Variants in TOMM34 observed in about 807,000 individuals in gnomAD.
TOMM34 encodes translocase of outer mitochondrial membrane 34.
TOMM34 carries 24 observed loss-of-function variants against 37.4 expected under a neutral mutation model. The observed-to-expected ratio is 0.64, with a 90% CI of 0.46 to 0.90. The LOEUF is 0.90. TOMM34 is among the 40% of genes least tolerant of loss of function. The pLI, the probability that TOMM34 is intolerant of heterozygous loss-of-function variation, is 0.00. For synonymous variants in TOMM34, 154 were observed against 148.9 expected (o/e 1.03, Z -0.25); for missense variants, 304 against 375.6 (o/e 0.81, Z 1.58).
chr20:44,943,593 C>T lies in TOMM34; in HGVS notation c.699-14G>A. 6.2e-7 allele frequency: 1 copy of T among 1,613,988 alleles called. No individual in the cohort carries two copies. Among genetic ancestry groups the T allele is most frequent in the Non-Finnish European group, 8.5e-7 (1 of 1,180,010 alleles). Reference sequence around the variant, plus strand: ...TAGCAGAGTGCTCTGAAGGGAAAGACCATTTCAGAGGTTTCAGTCACGTCT... The same window carrying T: ...TAGCAGAGTGCTCTGAAGGGAAAGATCATTTCAGAGGTTTCAGTCACGTCT... On this transcript the variant is annotated splice_polypyrimidine_tract_variant and intron_variant, in intron 5 of 6. Coordinates refer to ENST00000372813, the MANE Select transcript of TOMM34 (RefSeq NM_006809.5).
At chr20:44,952,078 G>A (rs2067031638) in intron 3 of TOMM34, 76 bp from the exon 4 acceptor site, 2 of 1,505,678 alleles carry the variant, frequency 1.3e-6, no homozygotes, top group Non-Finnish European at 1.8e-6. Flanking sequence ...ACACCCATGG[G>A]AGGTAGGCCT....
At chr20:44,958,721 T>C (rs2067098977) in intron 1 of TOMM34, 1 of 166,608 alleles carries the variant, frequency 6.0e-6, no homozygotes, top group Non-Finnish European at 1.3e-5. Flanking sequence ...CTAGCTTTTC[T>C]ATGGACCCAG....
At chr20:44,950,874 T>G (rs2067020230) in intron 4 of TOMM34, among the ~76,000 whole-genome samples, 1 of 152,182 alleles carries the variant, frequency 6.6e-6, no homozygotes, top group Non-Finnish European at 1.5e-5. Flanking sequence ...GCTGGGACCA[T>G]TCCCCTGGAG....
intron 4 of TOMM34, among the ~76,000 whole-genome samples, chr20:44,949,426 A>G (rs1337536507): frequency 1.3e-5 from 2 of 152,200 alleles, no homozygotes; most frequent in African/African-American, 4.8e-5. Context: ...GCTATTCCTC[A>G]TTTCTGGTTT....
intron 5 of TOMM34, among the ~76,000 whole-genome samples, chr20:44,946,043 G>A (rs533865259): frequency 2.0e-5 from 3 of 152,226 alleles, no homozygotes; most frequent in African/African-American, 7.2e-5. Flanking sequence ...TTTTTTGGTA[G>A]AGATGGGGTT....
At chr20:44,956,882 A>G (rs1014656433) in intron 1 of TOMM34, among the ~76,000 whole-genome samples, 26 of 151,956 alleles carry the variant, frequency 1.7e-4, no homozygotes, top group Non-Finnish European at 3.4e-4. Context: ...AGAAAAAAAA[A>G]AAAAGAAAAG....
In TOMM34 at chr20:44,955,175, T is replaced by G. The variant is rs200346862; in HGVS notation, c.273A>C (p.Arg91=). 1.5e-5 allele frequency: 24 copies of G among 1,614,208 alleles called. No homozygotes were observed. The East Asian group carries it at 5.1e-4, about 34-fold the overall frequency. ...VPFSIKPLLR[R]ASAYEALEKY... is the part of the protein sequence containing the mutation. ...TCTCCAGAGCCTCATAAGCAGATGCTCGCCGCAGCAGGGGCTTAATGCTGA... is the reference window on the plus strand; with the variant it reads ...TCTCCAGAGCCTCATAAGCAGATGCGCGCCGCAGCAGGGGCTTAATGCTGA... The change falls in exon 3 of 7, where the codon CGA becomes CGC. Residue 91 remains arginine, a synonymous_variant. Coordinates refer to ENST00000372813, the MANE Select transcript of TOMM34 (RefSeq NM_006809.5).
At chr20:44,955,254 C>T in intron 2 of TOMM34, 34 bp from the exon 3 acceptor site, 1 of 1,607,210 alleles carries the variant, frequency 6.2e-7, no homozygotes, top group Non-Finnish European at 8.5e-7. Context: ...AACTGGCTGG[C>T]TGCTGAGCCA....
intron 4 of TOMM34, among the ~76,000 whole-genome samples, chr20:44,950,990 T>C (rs1456545214): frequency 1.3e-5 from 2 of 152,178 alleles, no homozygotes; most frequent in Non-Finnish European, 2.9e-5. Flanking sequence ...CTCTTCTTCA[T>C]GCTTCTCCAG....
intron 4 of TOMM34, 82 bp from the exon 5 acceptor site, chr20:44,948,959 T>C: frequency 2.6e-6 from 4 of 1,509,462 alleles, no homozygotes; most frequent in Non-Finnish European, 3.6e-6. Context: ...CATCGTCCCT[T>C]CCAAACTGAC....
At chr20:44,948,627 T>G (rs1271565644) in intron 5 of TOMM34, 103 bp downstream of exon 5, 1 of 1,420,456 alleles carries the variant, frequency 7.0e-7, no homozygotes, top group Non-Finnish European at 9.7e-7. Context: ...AGCCATAACA[T>G]ACTTGACTAA....
Position 44,943,453 on chromosome 20 carries a change from C to T in TOMM34, c.825G>A (p.Lys275=), listed in dbSNP as rs6094062. The stretch of plus-strand genomic sequence containing the variant: ...CCTTTTGGCCAGGATTTTTTTTTAC[C>T]TTGAGTGCTTTGTGGGCTTGAGCCC... ...YRRAQAHKAL[K]DYKSSFADIS... is the part of the protein sequence containing the mutation. Residue 275 remains lysine (K), a splice_region_variant and synonymous_variant, in exon 6 of 7, where the codon AAG becomes AAA. Coordinates refer to ENST00000372813, the MANE Select transcript of TOMM34 (RefSeq NM_006809.5). The T allele has an allele frequency of 6.2e-7, 1 of 1,613,668 alleles. No homozygotes were observed. The highest frequency in any genetic ancestry group is 8.5e-7 in the Non-Finnish European group (1 of 1,179,902).
intron 2 of TOMM34, among the ~76,000 whole-genome samples, chr20:44,955,836 A>C (rs1304659696): frequency 6.6e-6 from 1 of 152,224 alleles, no homozygotes; most frequent in South Asian, 2.1e-4. Context: ...GTCAGAGGAC[A>C]TCAGATCTGA....
rs747301532 is a variant in TOMM34 at position 44,948,867 on chromosome 20, A to T, written c.561T>A (p.Ala187=). ...TTATKNRVPS[A]GDVEKARVLK... ...GAACTCTGGCTTTCTCCACATCCCC[A>T]GCAGAAGGCACTAGATACAAATTCA... Residue 187 remains alanine (A), a synonymous_variant, in exon 5 of 7, where the codon GCT becomes GCA. Transcript: ENST00000372813. 6 of 1,613,778 alleles carry T rather than the reference A, an allele frequency of 3.7e-6. No individual in the cohort carries two copies. Among genetic ancestry groups the T allele is most frequent in the Non-Finnish European group, 5.1e-6 (6 of 1,179,966 alleles).
At chr20:44,957,979 T>A (rs923184411) in intron 1 of TOMM34, among the ~76,000 whole-genome samples, 2 of 151,972 alleles carry the variant, frequency 1.3e-5, no homozygotes, top group African/African-American at 2.4e-5. Flanking sequence ...ACTCCAGCCA[T>A]CCCCATCCTT....
chr20:44,954,745 C>T (rs1321624293), intron 3 of TOMM34, among the ~76,000 whole-genome samples: 1 of 152,150 alleles, frequency 6.6e-6, no homozygotes, highest in African/African-American at 2.4e-5. Context: ...TAAGTGGGGT[C>T]TGTATCTCTT....
In TOMM34 at chr20:44,948,836, C is replaced by G; in HGVS notation, c.592G>C (p.Glu198Gln). ...GDVEKARVLK[E>Q]EGNELVKKGN... ...TTCTTTACAAGCTCATTGCCTTCTT[C>G]CTTCAGAACTCTGGCTTTCTCCACA... is the stretch of plus-strand genomic sequence containing the variant. The change falls in exon 5 of 7, where the codon GAA becomes CAA. Residue 198 changes from glutamate (E) to glutamine (Q), a missense_variant. Coordinates refer to ENST00000372813, the MANE Select transcript of TOMM34 (RefSeq NM_006809.5). 1.9e-6 allele frequency: 3 copies of G among 1,614,094 alleles called. No homozygotes were observed. Among genetic ancestry groups the G allele is most frequent in the Non-Finnish European group, 2.5e-6 (3 of 1,180,008 alleles).
intron 3 of TOMM34, among the ~76,000 whole-genome samples, chr20:44,954,642 C>T (rs1680668430): frequency 6.6e-6 from 1 of 152,184 alleles, no homozygotes; most frequent in Non-Finnish European, 1.5e-5. Context: ...GTGCAATATA[C>T]TGAACCATGT....
chr20:44,956,873 GAA>G (rs201381449), intron 1 of TOMM34, among the ~76,000 whole-genome samples: 4 of 54,464 alleles, frequency 7.3e-5, no homozygotes, highest in East Asian at 4.8e-4. Context: ...AAGAAAGAAA[GAA>G]AAAAAAAAAA....
Sources: gnomAD v4.1 joint callset for allele counts (sites outside exome capture counted in the v4.1 genomes callset) on GRCh38, gnomAD v4.1.1 for gene constraint, MANE v1.5 for transcripts, NCBI Gene and HGNC (gene_info 2026-07-23, HGNC 2026-07-21) for gene names.